The following KIAA0319L variants were observed in gnomAD, a reference collection of about 807,000 sequenced individuals.
KIAA0319L encodes KIAA0319 like.
KIAA0319L carries 55 observed loss-of-function variants against 120.1 expected under a neutral mutation model. That is an observed-to-expected ratio of 0.46 (90% CI 0.37 to 0.57). The LOEUF (loss-of-function observed/expected upper bound fraction) is 0.57. Among genes scored for constraint, KIAA0319L ranks in the 20% least tolerant of loss-of-function variants. KIAA0319L has a pLI of 0.00. For missense variants in KIAA0319L, 1,049 were observed against 1,255.3 expected (o/e 0.84, Z 2.48); for synonymous variants, 398 against 471.9 (o/e 0.84, Z 2.03).
intron 3 of KIAA0319L, among the ~76,000 whole-genome samples, chr1:35,494,732 G>T (rs1644734671): frequency 6.6e-6 from 1 of 151,870 alleles, no homozygotes; most frequent in Non-Finnish European, 1.5e-5. Context: ...AATCACCTGA[G>T]CCCGGAAGGT....
intron 5 of KIAA0319L, among the ~76,000 whole-genome samples, chr1:35,473,525 A>T (rs1381259488): frequency 6.6e-6 from 1 of 152,204 alleles, no homozygotes; most frequent in East Asian, 1.9e-4. Context: ...GTCTTTCACA[A>T]AAGAATGGTA....
chr1:35,443,673 A>AAAAT (rs750954696), intron 17 of KIAA0319L, among the ~76,000 whole-genome samples: 7,095 of 151,082 alleles, frequency 0.047, 274 homozygotes, highest in African/African-American at 0.11. Flanking sequence ...ACTCTATCTC[A>AAAAT]AAATAAATAA....
At position 35,506,844 on chromosome 1, in the gene KIAA0319L, T is replaced by A; in HGVS notation, c.434A>T (p.Glu145Val). Residue 145 changes from glutamate to valine, a missense_variant, in exon 3 of 21, where the codon GAA becomes GTA. Glu to Val is a moderately radical substitution (Grantham distance 121). Coordinates refer to ENST00000325722, the MANE Select transcript of KIAA0319L (RefSeq NM_024874.5). The surrounding 1 kb of genome is among the most constrained non-coding windows in gnomAD (Gnocchi z 4.0). ...CCCCAGAAGATGTGGTACATCATCT[T>A]CAGGTAGAAAGCCCAAATCATCTGC... ...QTADDLGFLP[E>V]DDVPHLLGLG... 1 of 1,614,188 alleles carries A rather than the reference T, an allele frequency of 6.2e-7. No individual in the cohort carries two copies. The highest frequency in any genetic ancestry group is 1.7e-5 in the Admixed American group (1 of 60,014).
intron 20 of KIAA0319L, chr1:35,438,624 C>T (rs575813743): frequency 6.7e-6 from 1 of 149,198 alleles, no homozygotes; most frequent in South Asian, 2.1e-4. Flanking sequence ...TAGCAATTCT[C>T]CTGCCTTGGC....
intron 2 of KIAA0319L, among the ~76,000 whole-genome samples, chr1:35,539,919 C>T (rs1004907664): frequency 5.3e-5 from 8 of 152,184 alleles, no homozygotes; most frequent in African/African-American, 1.9e-4. Context: ...AATGTTACCC[C>T]CCACTCCATC....
At chr1:35,548,084 G>A (rs1384349387) in intron 2 of KIAA0319L, among the ~76,000 whole-genome samples, 1 of 151,340 alleles carries the variant, frequency 6.6e-6, no homozygotes, top group Admixed American at 6.6e-5. Flanking sequence ...TCGTACCACT[G>A]CAGTCCAGCC....
intron 2 of KIAA0319L, among the ~76,000 whole-genome samples, chr1:35,546,608 A>T (rs1206163321): frequency 1.3e-5 from 2 of 152,234 alleles, no homozygotes; most frequent in Non-Finnish European, 2.9e-5. Flanking sequence ...TTATTGACTG[A>T]GTAAGTAATT....
intron 2 of KIAA0319L, chr1:35,510,571 A>G (rs1238191906): frequency 2.7e-5 from 4 of 150,314 alleles, no homozygotes; most frequent in African/African-American, 9.9e-5. Flanking sequence ...CAGTGGAGAT[A>G]AGCCTTTTAA....
chr1:35,489,902 A>G (rs1193261402), intron 3 of KIAA0319L, among the ~76,000 whole-genome samples: 1 of 151,738 alleles, frequency 6.6e-6, no homozygotes, highest in Admixed American at 6.6e-5. Flanking sequence ...CCTGACTTTA[A>G]GTGATCTGCC....
intron 3 of KIAA0319L, among the ~76,000 whole-genome samples, chr1:35,482,979 T>C (rs1300832837): frequency 6.6e-6 from 1 of 152,208 alleles, no homozygotes; most frequent in African/African-American, 2.4e-5. Flanking sequence ...GGTTGTAATT[T>C]ACATTTTCCT....
chr1:35,466,773 T>C (rs1570704075), intron 6 of KIAA0319L, 78 bp from the exon 7 acceptor site: 1 of 1,014,814 alleles, frequency 9.9e-7, no homozygotes, highest in East Asian at 2.4e-5. Context: ...ATCTGAACTT[T>C]CCCAAGCTGA....
intron 2 of KIAA0319L, among the ~76,000 whole-genome samples, chr1:35,518,378 T>C (rs962685979): frequency 2.6e-5 from 4 of 152,112 alleles, no homozygotes; most frequent in Non-Finnish European, 5.9e-5. Context: ...CGGAATACTA[T>C]GCAGCCATAA....
chr1:35,514,265 A>G (rs1172378901), intron 2 of KIAA0319L, among the ~76,000 whole-genome samples: 1 of 152,120 alleles, frequency 6.6e-6, no homozygotes, highest in African/African-American at 2.4e-5. Context: ...GACAACCAAA[A>G]TGTCTATAAA....
chr1:35,548,864 C>T (rs1483406214), intron 2 of KIAA0319L, among the ~76,000 whole-genome samples: 1 of 152,026 alleles, frequency 6.6e-6, no homozygotes, highest in Non-Finnish European at 1.5e-5. Flanking sequence ...CACTTTTGTG[C>T]CTTTGCTCTT....
At chr1:35,440,874 T>C (rs1194850380) in intron 20 of KIAA0319L, 173 bp downstream of exon 20, 3 of 648,686 alleles carry the variant, frequency 4.6e-6, no homozygotes, top group Non-Finnish European at 8.4e-6. Flanking sequence ...GGAGGCATTT[T>C]GTCCAGTGCA....
At position 35,450,375 on chromosome 1, in the gene KIAA0319L, C is replaced by G; in HGVS notation, c.2197G>C (p.Gly733Arg). ...IVSYLWTRDE[G>R]SPAAGEVLNH... ...ACACTTACCCCTGCTGCTGGGCTCCCCTCATCTCGAGTCCAGAGGTAGCTG... is the reference window on the plus strand; with the variant it reads ...ACACTTACCCCTGCTGCTGGGCTCCGCTCATCTCGAGTCCAGAGGTAGCTG... The change falls in exon 14 of 21, where the codon GGG becomes CGG. Residue 733 changes from glycine (G) to arginine (R), a missense_variant. Coordinates refer to ENST00000325722, the MANE Select transcript of KIAA0319L (RefSeq NM_024874.5). The G allele has an allele frequency of 3.1e-6, 5 of 1,613,898 alleles. No individual in the cohort carries two copies. In the South Asian group the frequency reaches 5.5e-5, roughly 18 times the overall value.
chr1:35,530,573 G>T (rs1646325947), intron 2 of KIAA0319L, among the ~76,000 whole-genome samples: 2 of 152,148 alleles, frequency 1.3e-5, no homozygotes, highest in Non-Finnish European at 1.5e-5. Flanking sequence ...TTTTCAGGCA[G>T]ATCATAAATT....
intron 16 of KIAA0319L, among the ~76,000 whole-genome samples, chr1:35,446,872 A>C (rs1163883723): frequency 6.6e-6 from 1 of 152,128 alleles, no homozygotes; most frequent in East Asian, 1.9e-4. Context: ...TCCTTCCACA[A>C]GTTCCAGCCT....
intron 3 of KIAA0319L, among the ~76,000 whole-genome samples, chr1:35,480,706 C>T (rs575468704): frequency 2.0e-5 from 3 of 151,922 alleles, no homozygotes; most frequent in East Asian, 1.9e-4. Context: ...CACTTGAACC[C>T]GAGAGGAGGC....
Sources: gnomAD v4.1 joint callset for allele counts (sites outside exome capture counted in the v4.1 genomes callset) on GRCh38, gnomAD v4.1.1 for gene constraint, Gnocchi (gnomAD v3.1) non-coding constraint, MANE v1.5 for transcripts, NCBI Gene and HGNC (gene_info 2026-07-23, HGNC 2026-07-21) for gene names.